The following SLC9B1 variants were observed in gnomAD, a reference collection of about 807,000 sequenced individuals.
The protein encoded by SLC9B1 is solute carrier family 9 member B1.
In SLC9B1, 32 loss-of-function variants were observed where a neutral mutation model predicts 51.7. The ratio of observed to expected loss-of-function variants is 0.62; its 90% CI spans 0.47 to 0.83. SLC9B1 has a LOEUF of 0.83. SLC9B1 is among the 40% of genes least tolerant of loss of function. The pLI is 0.00. For missense variants in SLC9B1, 406 were observed against 613.2 expected (o/e 0.66, Z 3.57); for synonymous variants, 145 against 212.7 (o/e 0.68, Z 2.77).
At chr4:102,988,476 G>T (rs1471754540) in intron 3 of SLC9B1, among the ~76,000 whole-genome samples, 1 of 152,064 alleles carries the variant, frequency 6.6e-6, no homozygotes, top group African/African-American at 2.4e-5. Context: ...GCAGTTTTAA[G>T]AAATTATTTT....
chr4:102,979,503 C>G (rs567948850), intron 3 of SLC9B1, among the ~76,000 whole-genome samples: 2 of 152,150 alleles, frequency 1.3e-5, no homozygotes, highest in Non-Finnish European at 2.9e-5. Context: ...TAGTTAACTG[C>G]GTACTCAAAG....
At chr4:103,008,788 T>TA (rs1740928737) in intron 1 of SLC9B1, among the ~76,000 whole-genome samples, 2 of 146,870 alleles carry the variant, frequency 1.4e-5, no homozygotes, top group African/African-American at 5.1e-5. Flanking sequence ...CTAAGGGCTT[T>TA]AACAGTTTCT....
chr4:102,921,596 A>G (rs1288552898), intron 7 of SLC9B1, among the ~76,000 whole-genome samples: 2 of 152,212 alleles, frequency 1.3e-5, no homozygotes, highest in Non-Finnish European at 2.9e-5. Flanking sequence ...AAATGCCCCA[A>G]TTAAAAGACA....
chr4:102,923,565 C>A lies in SLC9B1; in HGVS notation c.829+8559G>T, dbSNP rs183804650. Reference sequence around the variant, plus strand: ...ATAGTCTTGGAAGTTCTGGCCAGGGCAATCAGGGAAGAGAATGAAATAAAG... The same window carrying A: ...ATAGTCTTGGAAGTTCTGGCCAGGGAAATCAGGGAAGAGAATGAAATAAAG... On this transcript the variant is annotated intron_variant, in intron 7 of 11. Coordinates refer to ENST00000296422, the MANE Select transcript of SLC9B1 (RefSeq NM_139173.4). Among the ~76,000 whole-genome samples, 351 of 151,906 alleles carry A rather than the reference C, an allele frequency of 2.3e-3. 1 individual carries two copies. The highest frequency in any genetic ancestry group is 6.7e-3 in the African/African-American group (279 of 41,494).
rs1204487355 is a variant in SLC9B1 at position 102,904,063 on chromosome 4, T to C, written c.1332+1451A>G. Among the ~76,000 whole-genome samples, 3 of 144,084 alleles carry C rather than the reference T, an allele frequency of 2.1e-5. No individual in the cohort carries two copies. In the East Asian group the frequency reaches 5.9e-4, roughly 29 times the overall value. 94.5% of individuals were successfully genotyped at this position (144,084 alleles called of 152,430 possible). A position where few individuals can be genotyped will look rare whatever the true frequency, so the allele number is the denominator to read the frequency against. Reference sequence around the variant, plus strand: ...TCAATGTGTCTCTATTTTACTTTACTTTTTTTTTTTTTGGAGACAGGGTCT... The same window carrying C: ...TCAATGTGTCTCTATTTTACTTTACCTTTTTTTTTTTTGGAGACAGGGTCT... On this transcript the variant is annotated intron_variant, in intron 11 of 11. Transcript: ENST00000296422.
intron 7 of SLC9B1, among the ~76,000 whole-genome samples, chr4:102,920,085 C>A (rs1392617555): frequency 2.6e-5 from 4 of 152,248 alleles, no homozygotes; most frequent in Admixed American, 6.5e-5. Context: ...TGAGAATGGA[C>A]AGACTGCCTC....
intron 3 of SLC9B1, among the ~76,000 whole-genome samples, chr4:102,983,822 C>G (rs927894377): frequency 6.6e-6 from 1 of 151,946 alleles, no homozygotes; most frequent in Non-Finnish European, 1.5e-5. Flanking sequence ...TTGATCTTTT[C>G]AAAGAACCAG....
chr4:102,916,453 G>C (rs1735581191), intron 7 of SLC9B1, among the ~76,000 whole-genome samples: 1 of 152,142 alleles, frequency 6.6e-6, no homozygotes, highest in Non-Finnish European at 1.5e-5. Context: ...AGACAGAATT[G>C]AGGGGTAACA....
rs1383733 is a variant in SLC9B1, at chr4:102,995,297, C to A, written c.-1-3585G>T. Among the ~76,000 whole-genome samples, 7 of 152,048 alleles carry A rather than the reference C, an allele frequency of 4.6e-5. No individual in the cohort carries two copies. In the South Asian group the frequency reaches 1.0e-3, roughly 23 times the overall value. ...AAGATTATAAAAAACATTTTCAGTA[C>A]TGCAGAAAATAAATGAGGATCATAT... On this transcript the variant is annotated intron_variant, in intron 1 of 11. Coordinates refer to ENST00000296422, the MANE Select transcript of SLC9B1 (RefSeq NM_139173.4).
intron 3 of SLC9B1, among the ~76,000 whole-genome samples, chr4:102,988,882 T>C (rs1348482740): frequency 1.3e-5 from 2 of 152,116 alleles, no homozygotes; most frequent in Non-Finnish European, 2.9e-5. Context: ...TGAATAATTT[T>C]GGTAAATAAT....
intron 1 of SLC9B1, among the ~76,000 whole-genome samples, chr4:103,014,121 T>C (rs565350085): frequency 2.6e-5 from 4 of 152,354 alleles, no homozygotes; most frequent in African/African-American, 4.8e-5. Flanking sequence ...GGCTCTAACC[T>C]TGACCCTGCC....
chr4:103,000,117 C>T (rs1187963074), intron 1 of SLC9B1, among the ~76,000 whole-genome samples: 5 of 152,160 alleles, frequency 3.3e-5, no homozygotes, highest in Admixed American at 2.6e-4. Context: ...CACCTTCCTC[C>T]CTTGACACAT....
chr4:102,964,785 G>A (rs1738334157), intron 3 of SLC9B1, among the ~76,000 whole-genome samples: 1 of 151,966 alleles, frequency 6.6e-6, no homozygotes, highest in African/African-American at 2.4e-5. Flanking sequence ...TGAATAGAAG[G>A]GAACTTCTTC....
chr4:102,973,156 C>A (rs1738852784), intron 3 of SLC9B1, among the ~76,000 whole-genome samples: 1 of 152,040 alleles, frequency 6.6e-6, no homozygotes, highest in East Asian at 1.9e-4. Flanking sequence ...TAGTTAAAGA[C>A]AGACACTTGA....
At chr4:102,905,387 T>C (rs1734994288) in intron 11 of SLC9B1, 127 bp downstream of exon 11, 18 of 1,016,538 alleles carry the variant, frequency 1.8e-5, no homozygotes, top group Non-Finnish European at 2.6e-5. Context: ...TGAATAGTTA[T>C]GATCAATCAA....
intron 3 of SLC9B1, among the ~76,000 whole-genome samples, chr4:102,979,154 T>C (rs1739224865): frequency 6.6e-6 from 1 of 152,184 alleles, no homozygotes; most frequent in Non-Finnish European, 1.5e-5. Context: ...TCAAGTTCAT[T>C]GATGTTAGAG....
chr4:102,941,671 G>C (rs1226311109), intron 6 of SLC9B1, among the ~76,000 whole-genome samples: 1 of 140,700 alleles, frequency 7.1e-6, no homozygotes, highest in African/African-American at 2.7e-5. Context: ...ACCCGAGAGA[G>C]AGAGAGAAAG....
chr4:102,923,315 A>C (rs1735980230), intron 7 of SLC9B1, among the ~76,000 whole-genome samples: 1 of 152,358 alleles, frequency 6.6e-6, no homozygotes, highest in East Asian at 1.9e-4. Flanking sequence ...CAAAAACCAC[A>C]TGATTATCTT....
chr4:102,930,470 G>A (rs764529543), intron 7 of SLC9B1, among the ~76,000 whole-genome samples: 15 of 152,150 alleles, frequency 9.9e-5, no homozygotes, highest in Non-Finnish European at 2.1e-4. Flanking sequence ...TGCCCAGGCT[G>A]GATAGCTCAC....
Sources: gnomAD v4.1 joint callset for allele counts (sites outside exome capture counted in the v4.1 genomes callset) on GRCh38, gnomAD v4.1.1 for gene constraint, MANE v1.5 for transcripts, NCBI Gene and HGNC (gene_info 2026-07-23, HGNC 2026-07-21) for gene names.